PCDHA1: variants seen among roughly 807,000 people sequenced by gnomAD.
PCDHA1 encodes the protein protocadherin alpha 1, also known as protocadherin alpha-1.
PCDHA1 carries 42 observed loss-of-function variants against 61.3 expected under a neutral mutation model. That is an observed-to-expected ratio of 0.69 (90% confidence interval 0.54 to 0.89). The LOEUF (loss-of-function observed/expected upper bound fraction) is 0.89, where lower values mean the gene tolerates loss of function less well. Ranked by LOEUF, PCDHA1 falls within the 40% of genes least tolerant of loss-of-function variation. The probability of loss-of-function intolerance (pLI) is 0.00; values close to 1 mark genes in which losing one functional copy is unlikely to be tolerated. For synonymous variants in PCDHA1, 610 were observed against 553.8 expected, an observed-to-expected ratio of 1.10 and a Z score of -1.43; for missense variants, 1,256 against 1,235.3, an observed-to-expected ratio of 1.02 and a Z score of -0.25.
chr5:140,793,566 T>A (rs1761789527), intron 1 of PCDHA1, among the ~76,000 whole-genome samples: 1 of 152,236 alleles, frequency 6.6e-6, no homozygotes, highest in Non-Finnish European at 1.5e-5. Flanking sequence ...TTTACTTCTC[T>A]CTTTGCTCTA....
intron 1 of PCDHA1, among the ~76,000 whole-genome samples, chr5:140,790,358 G>GT (rs542905412): frequency 6.6e-6 from 1 of 152,086 alleles, no homozygotes; most frequent in South Asian, 2.1e-4. Context: ...ATATATTTTT[G>GT]TTTGTCAAAC....
chr5:140,983,113 A>G (rs2097027812), intron 3 of PCDHA1, among the ~76,000 whole-genome samples: 2 of 152,254 alleles, frequency 1.3e-5, no homozygotes, highest in Admixed American at 6.5e-5. Context: ...CTGCACATCA[A>G]CAACATTCTG....
chr5:140,987,043 A>G (rs1406153632), intron 3 of PCDHA1, among the ~76,000 whole-genome samples: 5 of 151,912 alleles, frequency 3.3e-5, no homozygotes, highest in Non-Finnish European at 7.4e-5. Flanking sequence ...GCGAAACCCC[A>G]TCTCTACTAA....
chr5:140,838,756 G>A (rs1775869518), intron 1 of PCDHA1, among the ~76,000 whole-genome samples: 1 of 151,874 alleles, frequency 6.6e-6, no homozygotes, highest in Non-Finnish European at 1.5e-5. Context: ...TGCATCTTTT[G>A]TAGAGACTTT....
chr5:141,009,339 G>A (rs1328874922), intron 3 of PCDHA1, among the ~76,000 whole-genome samples: 13 of 152,168 alleles, frequency 8.5e-5, no homozygotes, highest in African/African-American at 3.1e-4. Context: ...TGTGCCTGTA[G>A]TTCCAGCTAC....
intron 1 of PCDHA1, chr5:140,863,608 T>A (rs548888922): frequency 5.7e-6 from 2 of 349,702 alleles, no homozygotes; most frequent in Non-Finnish European, 1.1e-5. Flanking sequence ...CCTATTAATG[T>A]CCCTCATAGT....
In PCDHA1 at chr5:140,902,185, T is replaced by TTC. The variant is rs370111655; in HGVS notation, c.2395-76750_2395-76749dup. On this transcript the variant is annotated intron_variant, in intron 1 of 3. Transcript: ENST00000504120. ...TTCTAATTTGGATGTCCTTTATGTC[T>TTC]TCTCTCTCTCTCTCTTTCTTTTTTT... Among the ~76,000 whole-genome samples the TTC allele has an allele frequency of 1.5e-3, 225 of 150,894 alleles. 1 individual carries two copies. The highest frequency in any genetic ancestry group is 2.6e-3 in the Admixed American group (40 of 15,130).
intron 1 of PCDHA1, among the ~76,000 whole-genome samples, chr5:140,900,796 A>G (rs1269266602): frequency 1.3e-5 from 2 of 152,188 alleles, no homozygotes; most frequent in Admixed American, 6.5e-5. Flanking sequence ...ACTGTTCTCC[A>G]TAGTGCTTGT....
chr5:140,823,811 C>A (rs1554129612), intron 1 of PCDHA1: 2 of 1,613,820 alleles, frequency 1.2e-6, no homozygotes, highest in Middle Eastern at 1.7e-4. Flanking sequence ...AAGGCCTCAT[C>A]GCGGGCGTCG....
intron 1 of PCDHA1, chr5:140,821,532 CACTT>C (rs1766992060): frequency 2.2e-6 from 1 of 453,922 alleles, no homozygotes; most frequent in Admixed American, 3.9e-5. Flanking sequence ...CAAAATAAAA[CACTT>C]ACCCTTTCAT....
intron 1 of PCDHA1, chr5:140,869,000 C>A: frequency 2.0e-6 from 3 of 1,518,418 alleles, no homozygotes; most frequent in Non-Finnish European, 2.6e-6. Flanking sequence ...GTTTAAGGAT[C>A]CTTTGAAACT....
intron 2 of PCDHA1, among the ~76,000 whole-genome samples, chr5:140,979,837 C>T (rs1554241124): frequency 6.6e-6 from 1 of 152,188 alleles, no homozygotes; most frequent in Non-Finnish European, 1.5e-5. Flanking sequence ...AAGAAATAAT[C>T]TTCAAACTTA....
chr5:141,009,825 T>A lies in PCDHA1; in HGVS notation c.2741T>A (p.Ile914Lys). ...AGCCAAATTGACAAAAGTGACTTCA[T>A]AACCTTCGGCAAAAAGGAGGAGACC... ...TNSQIDKSDF[I>K]TFGKKEETKK... is the part of the protein sequence containing the mutation. The change falls in exon 4 of 4, where the codon ATA (isoleucine) becomes AAA (lysine). Residue 914 changes from isoleucine to lysine, a missense_variant. Physicochemically the swap from Ile to Lys is moderately radical, Grantham distance 102. Coordinates refer to ENST00000504120, the MANE Select transcript of PCDHA1 (RefSeq NM_018900.4). 2 of 1,613,774 alleles carry A rather than the reference T, an allele frequency of 1.2e-6. No homozygotes were observed.
intron 1 of PCDHA1, among the ~76,000 whole-genome samples, chr5:140,845,212 T>C (rs1779759360): frequency 6.7e-6 from 1 of 149,366 alleles, no homozygotes; most frequent in South Asian, 2.1e-4. Context: ...TTTAAGTCCT[T>C]TTAAAAAATA....
chr5:140,848,707 G>GC, intron 1 of PCDHA1: 1 of 1,592,428 alleles, frequency 6.3e-7, no homozygotes, highest in Non-Finnish European at 8.6e-7. Flanking sequence ...TCCAAAGGCC[G>GC]CGGGGACCTT....
chr5:140,788,091 T>A lies in PCDHA1; in HGVS notation c.1801T>A (p.Ser601Thr). ...VAKVRAVDAD[S>T]GYNAWLSYEL... ...GAAGGTGCGCGCAGTGGACGCCGAC[T>A]CGGGCTACAACGCGTGGCTGTCCTA... The change falls in exon 1 of 4, where the codon TCG (serine) becomes ACG (threonine). Residue 601 changes from serine (S) to threonine (T), a missense_variant. Ser to Thr is a moderately conservative substitution (Grantham distance 58). Transcript: ENST00000504120. The A allele has an allele frequency of 6.2e-7, 1 of 1,613,948 alleles. No individual in the cohort carries two copies. The highest frequency in any genetic ancestry group is 8.5e-7 in the Non-Finnish European group (1 of 1,179,904).
chr5:140,787,603 C>T lies in PCDHA1; in HGVS notation c.1313C>T (p.Thr438Met), dbSNP rs782473888. 1.2e-6 allele frequency: 2 copies of T among 1,613,864 alleles called. No homozygotes were observed. Among genetic ancestry groups the T allele is most frequent in the Non-Finnish European group, 1.7e-6 (2 of 1,180,006 alleles). The change falls in exon 1 of 4, where the codon ACG becomes ATG. Residue 438 changes from threonine to methionine, a missense_variant. Transcript: ENST00000504120. ...RDGGSPSLWA[T>M]ARVSVEVADV... ...GGGGGCTCGCCTTCGCTGTGGGCCA[C>T]GGCCAGGGTGTCCGTGGAGGTGGCC...
intron 1 of PCDHA1, among the ~76,000 whole-genome samples, chr5:140,941,941 T>G (rs1461291615): frequency 1.3e-5 from 2 of 152,246 alleles, no homozygotes; most frequent in Admixed American, 1.3e-4. Context: ...TGAATTACTT[T>G]TGTTTTGAAA....
At chr5:140,898,150 G>A (rs373714901) in intron 1 of PCDHA1, among the ~76,000 whole-genome samples, 6 of 152,198 alleles carry the variant, frequency 3.9e-5, no homozygotes, top group African/African-American at 9.6e-5. Flanking sequence ...GCCTGTTCAC[G>A]CTGATGGTGG....
Sources: allele counts gnomAD v4.1 joint callset (sites outside exome capture counted in the v4.1 genomes callset), GRCh38; gene constraint gnomAD v4.1.1; transcripts MANE v1.5; gene names NCBI Gene and HGNC (gene_info 2026-07-23, HGNC 2026-07-21).